SRBD1: variants seen among roughly 807,000 people sequenced by gnomAD.
SRBD1 encodes S1 RNA-binding domain-containing protein 1.
A neutral mutation model predicts 115.3 loss-of-function variants in SRBD1; 88 were observed. That is an observed-to-expected ratio of 0.76 (90% confidence interval 0.64 to 0.91). The LOEUF (loss-of-function observed/expected upper bound fraction) is 0.91, where lower values mean the gene tolerates loss of function less well. Among genes scored for constraint, SRBD1 ranks in the 40% least tolerant of loss-of-function variants. The pLI is 0.00. For synonymous variants in SRBD1, 509 were observed against 407.7 expected (o/e 1.25, Z -2.99); for missense variants, 1,385 against 1,177.4 (o/e 1.18, Z -2.58).
At chr2:45,459,924 T>G (rs1345132299) in intron 16 of SRBD1, among the ~76,000 whole-genome samples, 6 of 152,116 alleles carry the variant, frequency 3.9e-5, no homozygotes, top group Non-Finnish European at 2.9e-5. Context: ...ATGTAAGATC[T>G]TTATCTCTCA....
chr2:45,414,498 AGT>A (rs755208589), intron 18 of SRBD1, among the ~76,000 whole-genome samples: 116 of 148,032 alleles, frequency 7.8e-4, no homozygotes, highest in African/African-American at 1.8e-3. Flanking sequence ...GTGTGTATAT[AGT>A]GTGTGTGTAC....
At chr2:45,568,642 T>A (rs1672911495) in intron 9 of SRBD1, among the ~76,000 whole-genome samples, 1 of 152,188 alleles carries the variant, frequency 6.6e-6, no homozygotes, top group Non-Finnish European at 1.5e-5. Flanking sequence ...AATGCCACAT[T>A]TGCTACACAC....
At chr2:45,539,942 G>A (rs1671881497) in intron 14 of SRBD1, among the ~76,000 whole-genome samples, 10 of 152,060 alleles carry the variant, frequency 6.6e-5, no homozygotes, top group Admixed American at 6.6e-4. Flanking sequence ...AATTTAACAT[G>A]GTTTAAAAAA....
At chr2:45,529,724 G>GT (rs1671554807) in intron 14 of SRBD1, among the ~76,000 whole-genome samples, 1 of 151,914 alleles carries the variant, frequency 6.6e-6, no homozygotes, top group African/African-American at 2.4e-5. Flanking sequence ...AAGAAAATAG[G>GT]TATCTGGGTT....
intron 16 of SRBD1, among the ~76,000 whole-genome samples, chr2:45,446,524 G>C (rs1026475948): frequency 1.3e-5 from 2 of 152,084 alleles, no homozygotes; most frequent in African/African-American, 4.8e-5. Context: ...CTTTTCCCAA[G>C]TCTGAGTTTT....
At chr2:45,534,728 C>A (rs1671715133) in intron 14 of SRBD1, among the ~76,000 whole-genome samples, 1 of 151,956 alleles carries the variant, frequency 6.6e-6, no homozygotes, top group African/African-American at 2.4e-5. Flanking sequence ...ACACCAACCA[C>A]ATCTTTTCCT....
intron 16 of SRBD1, chr2:45,447,657 T>G (rs1668866606): frequency 1.3e-5 from 2 of 152,182 alleles, no homozygotes; most frequent in Non-Finnish European, 2.9e-5. Context: ...AAACATATAT[T>G]TGAAGAATAG....
chr2:45,576,467 T>C (rs892116807), intron 7 of SRBD1, among the ~76,000 whole-genome samples: 3 of 152,166 alleles, frequency 2.0e-5, no homozygotes, highest in Non-Finnish European at 4.4e-5. Context: ...ATCTCTGTAT[T>C]ATGCAACGGT....
intron 20 of SRBD1, among the ~76,000 whole-genome samples, chr2:45,391,499 G>A (rs921642062): frequency 1.3e-5 from 2 of 152,154 alleles, no homozygotes; most frequent in South Asian, 2.1e-4. Context: ...CTGCCCCCTC[G>A]AAAGTATAGT....
At chr2:45,475,806 G>T (rs1211997797) in intron 16 of SRBD1, among the ~76,000 whole-genome samples, 1 of 152,132 alleles carries the variant, frequency 6.6e-6, no homozygotes, top group Non-Finnish European at 1.5e-5. Context: ...TCAAGCGATT[G>T]TCCTGCCTCA....
At chr2:45,441,663 T>G (rs1334772599) in intron 16 of SRBD1, among the ~76,000 whole-genome samples, 3 of 152,198 alleles carry the variant, frequency 2.0e-5, no homozygotes, top group African/African-American at 7.2e-5. Context: ...AGTTCGGCTT[T>G]TGGATTCTTC....
chr2:45,523,109 G>T (rs1671336660), intron 14 of SRBD1, among the ~76,000 whole-genome samples: 1 of 151,642 alleles, frequency 6.6e-6, no homozygotes, highest in Non-Finnish European at 1.5e-5. Flanking sequence ...AATGAAAAAG[G>T]ACATTAGAAA....
intron 16 of SRBD1, among the ~76,000 whole-genome samples, chr2:45,443,813 A>G (rs1668742150): frequency 6.6e-6 from 1 of 151,778 alleles, no homozygotes; most frequent in Admixed American, 6.6e-5. Flanking sequence ...TTGAAAAAAA[A>G]AAAAAAAAAG....
At chr2:45,432,087 C>G (rs958883039) in intron 16 of SRBD1, among the ~76,000 whole-genome samples, 1 of 151,630 alleles carries the variant, frequency 6.6e-6, no homozygotes, top group Non-Finnish European at 1.5e-5. Flanking sequence ...TGGAGTGCAA[C>G]GGCACGATCT....
intron 16 of SRBD1, among the ~76,000 whole-genome samples, chr2:45,438,157 G>A (rs535907614): frequency 2.3e-4 from 35 of 152,064 alleles, no homozygotes; most frequent in Non-Finnish European, 4.4e-4. Context: ...GCTCTGTTGC[G>A]AACCTAAAAC....
At chr2:45,590,706 G>A (rs971297804) in intron 4 of SRBD1, among the ~76,000 whole-genome samples, 2 of 152,130 alleles carry the variant, frequency 1.3e-5, no homozygotes, top group African/African-American at 4.8e-5. Flanking sequence ...CAGCCATGCT[G>A]TACTGTAAGT....
intron 19 of SRBD1, among the ~76,000 whole-genome samples, chr2:45,395,221 T>C (rs1407686357): frequency 3.3e-5 from 5 of 152,240 alleles, no homozygotes; most frequent in African/African-American, 9.6e-5. Context: ...CTTCTAACCA[T>C]CTGTTAAAAA....
intron 16 of SRBD1, among the ~76,000 whole-genome samples, chr2:45,459,173 G>T (rs1156949894): frequency 6.6e-6 from 1 of 152,126 alleles, no homozygotes; most frequent in African/African-American, 2.4e-5. Context: ...AGAAGAATCA[G>T]ATACACAAGG....
chr2:45,510,821 G>T (rs1035366537), intron 14 of SRBD1, among the ~76,000 whole-genome samples: 2 of 152,208 alleles, frequency 1.3e-5, no homozygotes, highest in Admixed American at 6.5e-5. Flanking sequence ...AAATTAGCAG[G>T]TTCCAAAAAG....
Sources: gnomAD v4.1 joint callset for allele counts (sites outside exome capture counted in the v4.1 genomes callset) on GRCh38, gnomAD v4.1.1 for gene constraint, MANE v1.5 for transcripts, NCBI Gene and HGNC (gene_info 2026-07-23, HGNC 2026-07-21) for gene names.